Variants in PCSK7 observed in about 807,000 individuals in gnomAD.
PCSK7 encodes the protein lymphoma proprotein convertase.
PCSK7 carries 38 observed loss-of-function variants against 73.3 expected under a neutral mutation model. That is an observed-to-expected ratio of 0.52 (90% CI 0.40 to 0.68). The LOEUF (loss-of-function observed/expected upper bound fraction) is 0.68. Ranked by LOEUF, PCSK7 falls within the 30% of genes least tolerant of loss-of-function variation. The probability of loss-of-function intolerance (pLI) is 0.00; values close to 1 mark genes in which losing one functional copy is unlikely to be tolerated. For synonymous variants in PCSK7, 296 were observed against 383.8 expected (o/e 0.77, Z 2.68); for missense variants, 692 against 991.5 (o/e 0.70, Z 4.06).
intron 2 of PCSK7, 21 bp downstream of exon 2, chr11:117,230,328 A>T (rs909203149): frequency 6.5e-6 from 1 of 154,998 alleles, no homozygotes; most frequent in Non-Finnish European, 1.4e-5. Flanking sequence ...CTAATTCCCC[A>T]TAACAGGGCC....
intron 12 of PCSK7, chr11:117,216,272 C>T (rs1183795549): frequency 6.6e-6 from 1 of 152,042 alleles, no homozygotes; most frequent in Non-Finnish European, 1.5e-5. Flanking sequence ...AGGTATTTAG[C>T]CTCCTCTTCT....
At chr11:117,219,508 G>A (rs2032111353) in intron 10 of PCSK7, 83 bp downstream of exon 10, 2 of 1,274,824 alleles carry the variant, frequency 1.6e-6, no homozygotes, top group African/African-American at 1.5e-5. Flanking sequence ...TAACATTTGG[G>A]ACATTGAGAA....
intron 9 of PCSK7, 126 bp downstream of exon 9, chr11:117,223,082 C>T (rs2134320012): frequency 1.4e-6 from 1 of 707,142 alleles, no homozygotes; most frequent in East Asian, 2.5e-5. Flanking sequence ...ACATCCAGCT[C>T]TGTGGGGGAA....
At position 117,205,952 on chromosome 11, in the gene PCSK7, A is replaced by G. The variant is rs1217292589; in HGVS notation, c.*45T>C. The G allele has an allele frequency of 1.5e-6, 1 of 678,668 alleles. No individual in the cohort carries two copies. The highest frequency in any genetic ancestry group is 3.0e-5 in the Admixed American group (1 of 33,774). 42.0% of individuals were successfully genotyped at this position (678,668 alleles called of 1,614,324 possible). On this transcript the variant is annotated 3_prime_UTR_variant, in exon 17 of 17. Coordinates refer to ENST00000320934, the MANE Select transcript of PCSK7 (RefSeq NM_004716.4). The stretch of plus-strand genomic sequence containing the variant: ...AACTGCTTTCTGTCAAGAGCTCCCT[A>G]ATTTTGGGAAAGAAGAGCCTGTCCC...
chr11:117,220,863 C>G (rs1283298989), intron 9 of PCSK7: 1 of 152,490 alleles, frequency 6.6e-6, no homozygotes, highest in African/African-American at 2.4e-5. Flanking sequence ...CTCTACAGCT[C>G]TCAACAGGAC....
chr11:117,222,803 C>T, intron 9 of PCSK7: 1 of 166,730 alleles, frequency 6.0e-6, no homozygotes, highest in Non-Finnish European at 1.3e-5. Context: ...CCCGCCACCA[C>T]ACCAGGCTAA....
intron 6 of PCSK7, 62 bp from the exon 7 acceptor site, chr11:117,224,817 GCCT>G (rs2134324123): frequency 1.6e-6 from 2 of 1,248,782 alleles, no homozygotes; most frequent in South Asian, 2.4e-5. Flanking sequence ...CCCACCCAGC[GCCT>G]CCCAGTCTCA....
At chr11:117,230,758 C>T (rs1236404949) in intron 1 of PCSK7, among the ~76,000 whole-genome samples, 1 of 152,122 alleles carries the variant, frequency 6.6e-6, no homozygotes, top group African/African-American at 2.4e-5. Context: ...GTAATAACGT[C>T]CTAGAAGTCC....
chr11:117,227,156 C>A lies in PCSK7; in HGVS notation c.769+1G>T. ...AAGGCTAGGCTGGAGGCACAAGTTA[C>A]CTGCGATGCGGCTCCCGTAGGCCAC... On this transcript the variant is annotated splice_donor_variant, in intron 5 of 16. Transcript: ENST00000320934. LOFTEE classifies it high-confidence loss of function. 6.3e-7 allele frequency: 1 copy of A among 1,595,784 alleles called. No homozygotes were observed. Among genetic ancestry groups the A allele is most frequent in the East Asian group, 2.3e-5 (1 of 44,440 alleles).
At position 117,219,124 on chromosome 11, in the gene PCSK7, C is replaced by G; in HGVS notation, c.1364G>C (p.Gly455Ala). 1 of 1,611,352 alleles carries G rather than the reference C, an allele frequency of 6.2e-7. No individual in the cohort carries two copies. The change falls in exon 11 of 17, where the codon GGC becomes GCC. Residue 455 changes from glycine to alanine, a missense_variant. Transcript: ENST00000320934. ...ACCGTGCTGGTGGCTATGGCTGAAG[C>G]CTGCCTCGTTGGTGACCCACTCTGC... ...RRAEWVTNEA[G>A]FSHSHQHGFG...
At chr11:117,226,912 G>T in intron 5 of PCSK7, 2 of 438,742 alleles carry the variant, frequency 4.6e-6, no homozygotes, top group East Asian at 8.2e-5. Flanking sequence ...AGGAAAAACC[G>T]ACAAGAAGGC....
intron 7 of PCSK7, among the ~76,000 whole-genome samples, 167 bp from the exon 8 acceptor site, chr11:117,224,383 G>A (rs771389545): frequency 6.6e-6 from 1 of 152,196 alleles, no homozygotes; most frequent in Non-Finnish European, 1.5e-5. Context: ...TGAGGGAGCT[G>A]TGAGTTGACC....
chr11:117,204,732 G>T lies in PCSK7; in HGVS notation c.*1265C>A. 5.3e-5 allele frequency: 14 copies of T among 262,674 alleles called. No individual in the cohort carries two copies. The highest frequency in any genetic ancestry group is 3.0e-4 in the South Asian group (5 of 16,774). 16.3% of individuals were successfully genotyped at this position (262,674 alleles called of 1,614,324 possible). A position where few individuals can be genotyped will look rare whatever the true frequency, so the allele number is the denominator to read the frequency against. On this transcript the variant is annotated 3_prime_UTR_variant, in exon 17 of 17. Coordinates refer to ENST00000320934, the MANE Select transcript of PCSK7 (RefSeq NM_004716.4). ...ACCAGCCCAGCCTGCCCCCTATCTT[G>T]TCCTGGAATATTTTTGGGGTTGGAA... is the stretch of plus-strand genomic sequence containing the variant.
At chr11:117,223,114 G>A (rs1314056387) in intron 9 of PCSK7, 94 bp downstream of exon 9, 15 of 795,198 alleles carry the variant, frequency 1.9e-5, no homozygotes, top group African/African-American at 5.0e-5. Context: ...GTGTTGGGGC[G>A]GGGAAGCAGG....
At chr11:117,231,351 A>G (rs535856807) in intron 1 of PCSK7, 1 of 152,356 alleles carries the variant, frequency 6.6e-6, no homozygotes, top group South Asian at 2.1e-4. Context: ...TTAGGTTTCC[A>G]GGCATATTCC....
chr11:117,227,358 T>A, intron 4 of PCSK7, 36 bp from the exon 5 acceptor site: 1 of 1,537,724 alleles, frequency 6.5e-7, no homozygotes, highest in Non-Finnish European at 9.0e-7. Context: ...GGTCATTCAC[T>A]GGTTAGAGGG....
chr11:117,204,605 T>C lies in PCSK7; in HGVS notation c.*1392A>G. 1.7e-6 allele frequency: 1 copy of C among 605,550 alleles called. No individual in the cohort carries two copies. Among genetic ancestry groups the C allele is most frequent in the South Asian group, 1.7e-5 (1 of 58,152 alleles). The allele number at this position is 605,550 out of a possible 1,614,324, so 37.5% of individuals were successfully genotyped here. A position where few individuals can be genotyped will look rare whatever the true frequency, so the allele number is the denominator to read the frequency against. ...TCCCGGCTGCCCCCATCACCTCTAC[T>C]GTCTCCTCCCTGGGCTAAGCAGGGG... On this transcript the variant is annotated 3_prime_UTR_variant, in exon 17 of 17. Transcript: ENST00000320934.
At chr11:117,230,816 G>C (rs568577814) in intron 1 of PCSK7, among the ~76,000 whole-genome samples, 1 of 152,302 alleles carries the variant, frequency 6.6e-6, no homozygotes, top group Non-Finnish European at 1.5e-5. Flanking sequence ...GGATACCAGG[G>C]AAAGTGAAAG....
Position 117,204,469 on chromosome 11 carries a change from C to A in PCSK7, c.*1528G>T. The A allele has an allele frequency of 6.6e-7, 1 of 1,520,498 alleles. No homozygotes were observed. Among genetic ancestry groups the A allele is most frequent in the Non-Finnish European group, 9.0e-7 (1 of 1,111,258 alleles). The allele number at this position is 1,520,498 out of a possible 1,614,324, so 94.2% of individuals were successfully genotyped here. A position where few individuals can be genotyped will look rare whatever the true frequency, so the allele number is the denominator to read the frequency against. On this transcript the variant is annotated 3_prime_UTR_variant, in exon 17 of 17. Coordinates refer to ENST00000320934, the MANE Select transcript of PCSK7 (RefSeq NM_004716.4). ...TGTGGTACCTTCAGCCCTGGCCAAG[C>A]TTTGAGGCTCTGTCACTGAGCAATG...
Sources: gnomAD v4.1 joint callset for allele counts (sites outside exome capture counted in the v4.1 genomes callset) on GRCh38, gnomAD v4.1.1 for gene constraint, MANE v1.5 for transcripts, NCBI Gene and HGNC (gene_info 2026-07-23, HGNC 2026-07-21) for gene names.